The following RASAL2 variants were observed in gnomAD, a reference collection of about 807,000 sequenced individuals.
RASAL2 encodes ras GTPase-activating protein nGAP.
Under a neutral mutation model 128.9 loss-of-function variants are expected in RASAL2, and 58 were observed. The ratio of observed to expected loss-of-function variants is 0.45; its 90% CI spans 0.36 to 0.56. RASAL2 has a LOEUF of 0.56. Among genes scored for constraint, RASAL2 ranks in the 20% least tolerant of loss-of-function variants. The pLI is 0.00. For missense variants in RASAL2, 1,360 were observed against 1,601.6 expected, an observed-to-expected ratio of 0.85 and a Z score of 2.57; for synonymous variants, 561 against 580.8, an observed-to-expected ratio of 0.97 and a Z score of 0.49.
Position 178,398,138 on chromosome 1 carries a change from G to A in RASAL2, c.564+7932G>A, listed in dbSNP as rs543112023. ...TTTCTACAGTTTTTTTTAGTTAATC[G>A]TTTCTGATACTTTGCATATTTGCAT... On this transcript the variant is annotated intron_variant, in intron 4 of 17. Coordinates refer to ENST00000367649, the MANE Select transcript of RASAL2 (RefSeq NM_170692.4). Among the ~76,000 whole-genome samples the A allele has an allele frequency of 5.9e-5, 9 of 151,456 alleles. No individual in the cohort carries two copies. The South Asian group carries it at 1.9e-3, about 32-fold the overall frequency.
chr1:178,198,166 G>A (rs757642608), intron 1 of RASAL2, among the ~76,000 whole-genome samples: 7 of 152,158 alleles, frequency 4.6e-5, no homozygotes, highest in Admixed American at 4.6e-4. Flanking sequence ...ACATACATGT[G>A]CATGTGTCTT....
intron 1 of RASAL2, among the ~76,000 whole-genome samples, chr1:178,158,283 C>CA: frequency 6.6e-6 from 1 of 152,208 alleles, no homozygotes. Context: ...AACTTGGGTT[C>CA]AAAATCCCGT....
At chr1:178,125,581 A>G (rs965130671) in intron 1 of RASAL2, 6 of 152,198 alleles carry the variant, frequency 3.9e-5, no homozygotes, top group African/African-American at 1.4e-4. Context: ...TCAGAAGAAT[A>G]ACAGTATACT....
intron 9 of RASAL2, among the ~76,000 whole-genome samples, chr1:178,448,285 A>G (rs979768534): frequency 6.6e-6 from 1 of 152,220 alleles, no homozygotes; most frequent in Non-Finnish European, 1.5e-5. Flanking sequence ...TATGGAAGGT[A>G]AAGAAAAAGA....
At chr1:178,436,437 G>A (rs183819113) in intron 5 of RASAL2, among the ~76,000 whole-genome samples, 67 of 152,140 alleles carry the variant, frequency 4.4e-4, no homozygotes, top group African/African-American at 1.6e-3. Flanking sequence ...TACATTTGAA[G>A]TTAGACCTGA....
Position 178,094,513 on chromosome 1 carries a change from C to G in RASAL2, c.21C>G (p.Ser7=), listed in dbSNP as rs767167850. The G allele has an allele frequency of 1.3e-6, 2 of 1,563,158 alleles. No homozygotes were observed. The highest frequency in any genetic ancestry group is 3.8e-5 in the Admixed American group (2 of 52,558). The change falls in exon 1 of 18, where the codon TCC becomes TCG. Residue 7 remains serine (S), a synonymous_variant. Coordinates refer to ENST00000367649, the MANE Select transcript of RASAL2 (RefSeq NM_170692.4). ...GCACCATGGAGCTCTCTCCGTCGTC[C>G]GGAGGAGCCGCGGAGGCGCTGTCCT... MELSPS[S]GGAAEALSWP... is the part of the protein sequence containing the mutation.
intron 2 of RASAL2, among the ~76,000 whole-genome samples, chr1:178,299,311 T>C (rs1667656898): frequency 6.6e-6 from 1 of 152,190 alleles, no homozygotes; most frequent in Non-Finnish European, 1.5e-5. Flanking sequence ...TCAACTTTTA[T>C]TTCCATTTAT....
intron 1 of RASAL2, among the ~76,000 whole-genome samples, chr1:178,162,542 TA>T (rs896588014): frequency 1.7e-4 from 20 of 117,838 alleles, no homozygotes; most frequent in Non-Finnish European, 3.2e-4. Context: ...TATCTTTATA[TA>T]AAATATATAT....
intron 13 of RASAL2, among the ~76,000 whole-genome samples, 176 bp from the exon 14 acceptor site, chr1:178,457,507 G>A (rs1677857808): frequency 1.3e-5 from 2 of 152,224 alleles, no homozygotes; most frequent in Non-Finnish European, 2.9e-5. Context: ...AAGTAAAAAT[G>A]CTGGATTTTA....
intron 1 of RASAL2, among the ~76,000 whole-genome samples, chr1:178,247,865 G>C (rs1392284132): frequency 6.6e-6 from 1 of 152,208 alleles, no homozygotes; most frequent in African/African-American, 2.4e-5. Flanking sequence ...CAGTTTCCAT[G>C]TAGTTGTGTG....
At position 178,195,989 on chromosome 1, in the gene RASAL2, A is replaced by C. The variant is rs140363567; in HGVS notation, c.203-87575A>C. Among the ~76,000 whole-genome samples the C allele has an allele frequency of 2.6e-5, 4 of 152,278 alleles. No individual in the cohort carries two copies. In the East Asian group the frequency reaches 7.7e-4, roughly 29 times the overall value. On this transcript the variant is annotated intron_variant, in intron 1 of 17. Transcript: ENST00000367649. Reference sequence around the variant, plus strand: ...ATCCTGGTAAAGATATAAATCTACTATCCCAAGACCAGACATGTAAAAATT... The same window carrying C: ...ATCCTGGTAAAGATATAAATCTACTCTCCCAAGACCAGACATGTAAAAATT...
At chr1:178,448,321 A>T (rs1421942135) in intron 9 of RASAL2, among the ~76,000 whole-genome samples, 1 of 152,232 alleles carries the variant, frequency 6.6e-6, no homozygotes, top group African/African-American at 2.4e-5. Context: ...GGCACCTTAA[A>T]TATCACTAGT....
chr1:178,422,822 G>A (rs776565352), intron 5 of RASAL2, among the ~76,000 whole-genome samples: 16 of 152,028 alleles, frequency 1.1e-4, no homozygotes, highest in Non-Finnish European at 2.4e-4. Flanking sequence ...AATGTAGTAA[G>A]CAGCTCCTTT....
At chr1:178,295,619 G>A (rs12089881) in intron 2 of RASAL2, among the ~76,000 whole-genome samples, 1 of 152,120 alleles carries the variant, frequency 6.6e-6, no homozygotes, top group Non-Finnish European at 1.5e-5. Flanking sequence ...GTGAGCATCA[G>A]AATCAGTCGG....
chr1:178,385,424 T>TA lies in RASAL2; in HGVS notation c.458-4668dup, dbSNP rs531901933. Among the ~76,000 whole-genome samples the TA allele has an allele frequency of 4.5e-3, 678 of 151,628 alleles. 16 individuals carry two copies. Among genetic ancestry groups the TA allele is most frequent in the African/African-American group, 0.016 (652 of 41,340 alleles). On this transcript the variant is annotated intron_variant, in intron 3 of 17. Transcript: ENST00000367649. Reference sequence around the variant, plus strand: ...TGCACTCCAGCCTGGGCGACTGTCTTAAAAAAAAGAAAGAAAAAGAAAAGC... The same window carrying TA: ...TGCACTCCAGCCTGGGCGACTGTCTTAAAAAAAAAGAAAGAAAAAGAAAAGC...
chr1:178,094,492 C>G lies in RASAL2; in HGVS notation c.-1C>G, dbSNP rs1396499133. On this transcript the variant is annotated 5_prime_UTR_variant, in exon 1 of 18. Transcript: ENST00000367649. ...TCGTCCCCCTCCCGCCTCGGGGCAC[C>G]ATGGAGCTCTCTCCGTCGTCCGGAG... is the stretch of plus-strand genomic sequence containing the variant. The G allele has an allele frequency of 6.4e-7, 1 of 1,551,796 alleles. No individual in the cohort carries two copies. Among genetic ancestry groups the G allele is most frequent in the Non-Finnish European group, 8.7e-7 (1 of 1,149,484 alleles).
chr1:178,139,199 T>C (rs73049394), intron 1 of RASAL2, among the ~76,000 whole-genome samples: 2,055 of 152,126 alleles, frequency 0.014, 48 homozygotes, highest in African/African-American at 0.046. Flanking sequence ...ATCTCAACTT[T>C]TTGGAAGAAT....
intron 1 of RASAL2, among the ~76,000 whole-genome samples, chr1:178,262,511 A>G (rs1408539589): frequency 1.3e-5 from 2 of 152,184 alleles, no homozygotes; most frequent in Non-Finnish European, 2.9e-5. Context: ...AAATCTTACG[A>G]GTTTGGATTC....
At chr1:178,191,247 G>T (rs531769315) in intron 1 of RASAL2, among the ~76,000 whole-genome samples, 1 of 151,922 alleles carries the variant, frequency 6.6e-6, no homozygotes, top group Non-Finnish European at 1.5e-5. Context: ...AGAATTAGAC[G>T]CAGTTAATAA....
Sources: gnomAD v4.1 joint callset for allele counts (sites outside exome capture counted in the v4.1 genomes callset) on GRCh38, gnomAD v4.1.1 for gene constraint, MANE v1.5 for transcripts, NCBI Gene and HGNC (gene_info 2026-07-23, HGNC 2026-07-21) for gene names.